The following TOX3 variants were observed in gnomAD, a reference collection of about 807,000 sequenced individuals.
TOX3 encodes CAG trinucleotide repeat-containing gene F9 protein.
TOX3 carries 22 observed loss-of-function variants against 64.3 expected under a neutral mutation model. That is an observed-to-expected ratio of 0.34 (90% confidence interval 0.24 to 0.49). The LOEUF is 0.49. Among genes scored for constraint, TOX3 ranks in the 20% least tolerant of loss-of-function variants. The probability of loss-of-function intolerance (pLI) is 0.99; values close to 1 mark genes in which losing one functional copy is unlikely to be tolerated. For synonymous variants in TOX3, 291 were observed against 273.6 expected, an observed-to-expected ratio of 1.06 and a Z score of -0.63; for missense variants, 661 against 714.4, an observed-to-expected ratio of 0.93 and a Z score of 0.85.
chr16:52,504,102 C>T (rs896479392), intron 1 of TOX3, among the ~76,000 whole-genome samples: 2 of 152,110 alleles, frequency 1.3e-5, no homozygotes, highest in African/African-American at 2.4e-5. Flanking sequence ...ATATGCCAGC[C>T]GTTCCTAGTT....
chr16:52,481,733 C>T lies in TOX3; in HGVS notation c.88-13159G>A, dbSNP rs112197341. ...TGTTTTACTGCATAGTGGCAGAGAG[C>T]TTTTGCTCACACTGCAAGAATATCT... On this transcript the variant is annotated intron_variant, in intron 1 of 6. Transcript: ENST00000219746. 3.3e-4 allele frequency among the ~76,000 whole-genome samples: 51 copies of T among 152,326 alleles called. 1 individual carries two copies. The highest frequency in any genetic ancestry group is 1.2e-3 in the African/African-American group (51 of 41,576).
At chr16:52,461,838 C>T (rs1453122083) in intron 3 of TOX3, among the ~76,000 whole-genome samples, 1 of 152,020 alleles carries the variant, frequency 6.6e-6, no homozygotes, top group Non-Finnish European at 1.5e-5. Context: ...AACTCAGTAC[C>T]CGCAGAGAGA....
chr16:52,437,877 AT>A lies in TOX3; in HGVS notation c.*1347del, dbSNP rs1468853792. On this transcript the variant is annotated 3_prime_UTR_variant, in exon 7 of 7. Coordinates refer to ENST00000219746, the MANE Select transcript of TOX3 (RefSeq NM_001080430.4). ...TTTTCAAGGATCTTCATTTCAGGCTATGCAATGCATATTCTTGGCCATAAAT... is the reference window on the plus strand; with the variant it reads ...TTTTCAAGGATCTTCATTTCAGGCTAGCAATGCATATTCTTGGCCATAAAT... The A allele has an allele frequency of 3.9e-5, 6 of 152,114 alleles. No individual in the cohort carries two copies. Among genetic ancestry groups the A allele is most frequent in the African/African-American group, 1.5e-4 (6 of 41,354 alleles). 9.4% of individuals were successfully genotyped at this position (152,114 alleles called of 1,614,324 possible). A position where few individuals can be genotyped will look rare whatever the true frequency, so the allele number is the denominator to read the frequency against.
chr16:52,535,445 C>G (rs1175115900), intron 1 of TOX3, among the ~76,000 whole-genome samples: 1 of 152,144 alleles, frequency 6.6e-6, no homozygotes, highest in Non-Finnish European at 1.5e-5. Flanking sequence ...CTGGTCAAAC[C>G]ATGGAGGTTG....
chr16:52,463,918 T>A lies in TOX3; in HGVS notation c.408+16A>T, dbSNP rs1241753427. 6.7e-7 allele frequency: 1 copy of A among 1,483,596 alleles called. No individual in the cohort carries two copies. The highest frequency in any genetic ancestry group is 9.0e-7 in the Non-Finnish European group (1 of 1,115,650). The allele number at this position is 1,483,596 out of a possible 1,614,324, so 91.9% of individuals were successfully genotyped here. A position where few individuals can be genotyped will look rare whatever the true frequency, so the allele number is the denominator to read the frequency against. On this transcript the variant is annotated intron_variant, in intron 3 of 6. Coordinates refer to ENST00000219746, the MANE Select transcript of TOX3 (RefSeq NM_001080430.4). ...AAATGATAAAAAATAATTTAAGTAATAAATGTGGTGCCTACCATATGCAAC... is the reference window on the plus strand; with the variant it reads ...AAATGATAAAAAATAATTTAAGTAAAAAATGTGGTGCCTACCATATGCAAC...
intron 1 of TOX3, among the ~76,000 whole-genome samples, chr16:52,526,811 C>T (rs556323653): frequency 6.6e-6 from 1 of 152,222 alleles, no homozygotes; most frequent in Non-Finnish European, 1.5e-5. Context: ...GGAATGTGTT[C>T]TTTTAAACAA....
At chr16:52,472,221 G>C (rs1156724044) in intron 1 of TOX3, among the ~76,000 whole-genome samples, 3 of 152,162 alleles carry the variant, frequency 2.0e-5, no homozygotes, top group Non-Finnish European at 1.5e-5. Flanking sequence ...ACAAGGGGCT[G>C]TGCTAGGCAC....
At chr16:52,454,399 T>C (rs1960452572) in intron 3 of TOX3, among the ~76,000 whole-genome samples, 1 of 152,288 alleles carries the variant, frequency 6.6e-6, no homozygotes, top group Non-Finnish European at 1.5e-5. Context: ...CAAGGGCCTC[T>C]AGACTATTTT....
At chr16:52,490,626 A>ATTTTTTTTT (rs3086679) in intron 1 of TOX3, among the ~76,000 whole-genome samples, 1,579 of 98,920 alleles carry the variant, frequency 0.016, 192 homozygotes, top group East Asian at 0.12. Context: ...CTAGGATGTA[A>ATTTTTTTTT]TTTTTTTTTT....
chr16:52,486,157 G>A (rs557970627), intron 1 of TOX3, among the ~76,000 whole-genome samples: 1 of 152,236 alleles, frequency 6.6e-6, no homozygotes, highest in East Asian at 1.9e-4. Flanking sequence ...AGTGAGACTG[G>A]GAAGGGAGAA....
chr16:52,436,645 TTAA>T lies in TOX3; in HGVS notation c.*2577_*2579del. 1 of 152,488 alleles carries T rather than the reference TTAA, an allele frequency of 6.6e-6. No homozygotes were observed. Among genetic ancestry groups the T allele is most frequent in the Middle Eastern group, 3.4e-3 (1 of 294 alleles). The allele number at this position is 152,488 out of a possible 1,614,324, so 9.4% of individuals were successfully genotyped here. Reference sequence around the variant, plus strand: ...TTAAATATGTAGTTTTGCCTGGTGATTAATTTTATAAACTGTAGTCATTAAACT... The same window carrying T: ...TTAAATATGTAGTTTTGCCTGGTGATTTTTATAAACTGTAGTCATTAAACT... On this transcript the variant is annotated 3_prime_UTR_variant, in exon 7 of 7. Transcript: ENST00000219746.
At chr16:52,525,333 AC>A (rs1962706469) in intron 1 of TOX3, among the ~76,000 whole-genome samples, 1 of 152,142 alleles carries the variant, frequency 6.6e-6, no homozygotes, top group Admixed American at 6.6e-5. Context: ...ATGGAAGAAA[AC>A]CTTATGTGGA....
At position 52,452,640 on chromosome 16, in the gene TOX3, T is replaced by A. The variant is rs139147144; in HGVS notation, c.409-2094A>T. 3.3e-5 allele frequency among the ~76,000 whole-genome samples: 5 copies of A among 151,196 alleles called. No homozygotes were observed. In the East Asian group the frequency reaches 9.8e-4, roughly 30 times the overall value. On this transcript the variant is annotated intron_variant, in intron 3 of 6. Transcript: ENST00000219746. ...CATGTGTATACATATATAACAAACC[T>A]GCACATTGTGCACATGTACCCTAAA...
chr16:52,527,909 C>A (rs1962758513), intron 1 of TOX3, among the ~76,000 whole-genome samples: 1 of 152,260 alleles, frequency 6.6e-6, no homozygotes, highest in South Asian at 2.1e-4. Flanking sequence ...TTTGTTGTCA[C>A]AACTGGGGGT....
At chr16:52,483,420 C>T (rs45440698) in intron 1 of TOX3, among the ~76,000 whole-genome samples, 33,828 of 152,086 alleles carry the variant, frequency 0.22, 4,525 homozygotes, top group South Asian at 0.36. Context: ...ACACCACGGG[C>T]GTAACTCATT....
At chr16:52,497,756 C>T (rs1347117477) in intron 1 of TOX3, among the ~76,000 whole-genome samples, 1 of 151,902 alleles carries the variant, frequency 6.6e-6, no homozygotes, top group African/African-American at 2.4e-5. Flanking sequence ...ATCTCAGGAG[C>T]TAGATGTCCT....
intron 1 of TOX3, among the ~76,000 whole-genome samples, chr16:52,536,190 G>C (rs560028838): frequency 6.6e-6 from 1 of 152,100 alleles, no homozygotes; most frequent in Non-Finnish European, 1.5e-5. Context: ...AGATCAACAA[G>C]AGCAGATGAA....
In TOX3 at chr16:52,489,168, C is replaced by G. The variant is rs145053298; in HGVS notation, c.88-20594G>C. Among the ~76,000 whole-genome samples the G allele has an allele frequency of 2.4e-3, 361 of 152,244 alleles. 2 individuals carry two copies. Among genetic ancestry groups the G allele is most frequent in the African/African-American group, 8.2e-3 (341 of 41,550 alleles). On this transcript the variant is annotated intron_variant, in intron 1 of 6. Transcript: ENST00000219746. ...TTGGTTTGGCTCTGTCAATTTACCT[C>G]TCATTTGATTCTTCATCTTTTCCCA... is the stretch of plus-strand genomic sequence containing the variant.
chr16:52,514,704 T>C (rs986817200), intron 1 of TOX3, among the ~76,000 whole-genome samples: 3 of 151,938 alleles, frequency 2.0e-5, no homozygotes, highest in East Asian at 3.9e-4. Flanking sequence ...AAACAGAATA[T>C]AACAGCTAAC....
Sources: allele counts gnomAD v4.1 joint callset (sites outside exome capture counted in the v4.1 genomes callset), GRCh38; gene constraint gnomAD v4.1.1; transcripts MANE v1.5; gene names NCBI Gene and HGNC (gene_info 2026-07-23, HGNC 2026-07-21).